The following GRID1 variants were observed in gnomAD, a reference collection of about 807,000 sequenced individuals.
The protein encoded by GRID1 is glutamate receptor ionotropic, delta-1.
Under a neutral mutation model 98.0 loss-of-function variants are expected in GRID1, and 28 were observed. The ratio of observed to expected loss-of-function variants is 0.29; its 90% confidence interval spans 0.21 to 0.39. GRID1 has a LOEUF of 0.39. Ranked by LOEUF, GRID1 falls within the 10% of genes least tolerant of loss-of-function variation. The probability of loss-of-function intolerance (pLI) is 1.00; values close to 1 mark genes in which losing one functional copy is unlikely to be tolerated. For missense variants in GRID1, 1,111 were observed against 1,340.5 expected, an observed-to-expected ratio of 0.83 and a Z score of 2.67; for synonymous variants, 553 against 538.5, an observed-to-expected ratio of 1.03 and a Z score of -0.37.
At chr10:85,869,268 T>A in intron 5 of GRID1, 88 bp from the exon 6 acceptor site, 1 of 1,176,902 alleles carries the variant, frequency 8.5e-7, no homozygotes. Context: ...GCCAGCAGCC[T>A]GAAAAGCTGA....
rs112624419 is a variant in GRID1 at position 86,129,043 on chromosome 10, C to T, written c.726+9776G>A. ...GGGCTGGGTCTGCCTGGACTCTGCC[C>T]TTCCCTGCCCTGTAGACAGAAAGCC... is the stretch of plus-strand genomic sequence containing the variant. On this transcript the variant is annotated intron_variant, in intron 4 of 15. Transcript: ENST00000327946. Among the ~76,000 whole-genome samples the T allele has an allele frequency of 2.1e-4, 32 of 152,322 alleles. 1 individual carries two copies. In the Middle Eastern group the frequency reaches 0.01, roughly 49 times the overall value.
At chr10:86,055,861 G>T (rs1348758164) in intron 4 of GRID1, among the ~76,000 whole-genome samples, 2 of 150,324 alleles carry the variant, frequency 1.3e-5, no homozygotes, top group Non-Finnish European at 3.0e-5. Flanking sequence ...CAGAAAAGAG[G>T]CAGCTGTCTG....
intron 12 of GRID1, among the ~76,000 whole-genome samples, chr10:85,660,307 G>A (rs1382817551): frequency 6.6e-6 from 1 of 152,124 alleles, no homozygotes; most frequent in Non-Finnish European, 1.5e-5. Flanking sequence ...GACTTTTTAG[G>A]GTTCAGGCAA....
intron 4 of GRID1, among the ~76,000 whole-genome samples, chr10:86,006,703 T>C (rs1842864751): frequency 1.3e-5 from 2 of 149,840 alleles, no homozygotes; most frequent in East Asian, 3.9e-4. Flanking sequence ...TAGAAAAGGA[T>C]TTTTTTTTTC....
At chr10:85,921,744 G>A (rs1841707428) in intron 4 of GRID1, among the ~76,000 whole-genome samples, 1 of 152,194 alleles carries the variant, frequency 6.6e-6, no homozygotes, top group Non-Finnish European at 1.5e-5. Context: ...AGGAAGTAGA[G>A]AAGACAGTGA....
intron 4 of GRID1, among the ~76,000 whole-genome samples, chr10:86,006,108 T>C (rs114056151): frequency 0.011 from 1,721 of 152,296 alleles, 41 homozygotes; most frequent in African/African-American, 0.04. Flanking sequence ...AATTAAGCAA[T>C]GGTAGTACTA....
chr10:85,745,364 C>T (rs1234697062), intron 8 of GRID1, among the ~76,000 whole-genome samples: 3 of 69,736 alleles, frequency 4.3e-5, no homozygotes, highest in Non-Finnish European at 8.4e-5. Flanking sequence ...AAATGTGGCA[C>T]ATATACACCA....
chr10:86,316,507 GC>G (rs1380347784), intron 2 of GRID1, among the ~76,000 whole-genome samples: 4 of 152,242 alleles, frequency 2.6e-5, no homozygotes, highest in African/African-American at 9.6e-5. Flanking sequence ...TTTCTCCAGT[GC>G]TGGACCCAGA....
rs117659598 is a variant in GRID1 at position 86,344,831 on chromosome 10, G to C, written c.235+19110C>G. Reference sequence around the variant, plus strand: ...CCTGGGCAGCCCTCATCTCTGCTCAGCAGGGGGCTCTCTGCTGGCACCAGG... The same window carrying C: ...CCTGGGCAGCCCTCATCTCTGCTCACCAGGGGGCTCTCTGCTGGCACCAGG... On this transcript the variant is annotated intron_variant, in intron 2 of 15. Transcript: ENST00000327946. Among the ~76,000 whole-genome samples the C allele has an allele frequency of 2.2e-3, 337 of 152,276 alleles. 10 individuals carry two copies. In the East Asian group the frequency reaches 0.059, roughly 27 times the overall value.
intron 13 of GRID1, among the ~76,000 whole-genome samples, chr10:85,622,789 T>A (rs940342795): frequency 6.6e-6 from 1 of 152,256 alleles, no homozygotes; most frequent in East Asian, 1.9e-4. Flanking sequence ...TAGGGGAGTA[T>A]AACAGTGTGG....
chr10:86,217,022 A>T (rs1846186379), intron 2 of GRID1, among the ~76,000 whole-genome samples: 1 of 152,202 alleles, frequency 6.6e-6, no homozygotes, highest in Non-Finnish European at 1.5e-5. Context: ...TCTGCTGCAG[A>T]CAAGTGGGAG....
intron 8 of GRID1, among the ~76,000 whole-genome samples, chr10:85,766,730 T>TTGTGTGTGTGTGTG (rs35691322): frequency 1.0e-3 from 145 of 138,430 alleles, no homozygotes; most frequent in African/African-American, 3.7e-3. Context: ...AGGCAGATGA[T>TTGTGTGTGTGTGTG]TGTGTGTGTG....
chr10:85,721,679 T>C (rs1379543597), intron 12 of GRID1, among the ~76,000 whole-genome samples: 1 of 152,138 alleles, frequency 6.6e-6, no homozygotes, highest in Non-Finnish European at 1.5e-5. Context: ...GTTGCCAGAG[T>C]TGGGGACAGA....
chr10:85,890,167 G>C (rs1589289106), intron 5 of GRID1, among the ~76,000 whole-genome samples: 1 of 151,972 alleles, frequency 6.6e-6, no homozygotes, highest in South Asian at 2.1e-4. Flanking sequence ...TTGTGGTTTT[G>C]ATTTGCAATT....
At chr10:85,973,971 G>A (rs1842439679) in intron 4 of GRID1, among the ~76,000 whole-genome samples, 1 of 152,190 alleles carries the variant, frequency 6.6e-6, no homozygotes. Flanking sequence ...AAGAGTGTAT[G>A]TCTCATATTC....
At chr10:86,179,641 C>T (rs2131999996) in intron 3 of GRID1, among the ~76,000 whole-genome samples, 1 of 152,336 alleles carries the variant, frequency 6.6e-6, no homozygotes, top group South Asian at 2.1e-4. Context: ...GGCCACGGGA[C>T]AGTGTCCTAC....
At chr10:85,752,933 T>G (rs1842061679) in intron 8 of GRID1, among the ~76,000 whole-genome samples, 1 of 152,218 alleles carries the variant, frequency 6.6e-6, no homozygotes, top group Non-Finnish European at 1.5e-5. Context: ...CATTACAGCT[T>G]ATAGAAATCA....
intron 2 of GRID1, among the ~76,000 whole-genome samples, chr10:86,227,836 G>A (rs58764584): frequency 0.28 from 43,241 of 152,090 alleles, 7,011 homozygotes; most frequent in Non-Finnish European, 0.38. Flanking sequence ...GCAGGACCTA[G>A]GCCATGCCTC....
chr10:85,634,291 T>TCACA (rs1554860994), intron 13 of GRID1, among the ~76,000 whole-genome samples: 27 of 102,982 alleles, frequency 2.6e-4, no homozygotes, highest in South Asian at 1.2e-3. Context: ...TCTCTCTCTC[T>TCACA]CACACACACA....
Sources: allele counts gnomAD v4.1 joint callset (sites outside exome capture counted in the v4.1 genomes callset), GRCh38; gene constraint gnomAD v4.1.1; transcripts MANE v1.5; gene names NCBI Gene and HGNC (gene_info 2026-07-23, HGNC 2026-07-21).